Variants in NAV1 observed in about 807,000 individuals in gnomAD.
NAV1 encodes neuron navigator 1.
A neutral mutation model predicts 175.2 loss-of-function variants in NAV1; 18 were observed. The ratio of observed to expected loss-of-function variants is 0.10; its 90% confidence interval spans 0.07 to 0.15. The LOEUF (loss-of-function observed/expected upper bound fraction) is 0.15, where lower values mean the gene tolerates loss of function less well. NAV1 is among the 10% of genes least tolerant of loss of function. The pLI, the probability that NAV1 is intolerant of heterozygous loss-of-function variation, is 1.00. For synonymous variants in NAV1, 897 were observed against 978.7 expected (o/e 0.92, Z 1.56); for missense variants, 1,731 against 2,436.6 (o/e 0.71, Z 6.10).
At chr1:201,587,211 A>C (rs1667058247) in intron 1 of NAV1, among the ~76,000 whole-genome samples, 1 of 152,140 alleles carries the variant, frequency 6.6e-6, no homozygotes, top group Non-Finnish European at 1.5e-5. Flanking sequence ...ACCCTGTCTC[A>C]AAGAAAGAAA....
chr1:201,610,849 T>C (rs1315120395), intron 2 of NAV1, among the ~76,000 whole-genome samples: 2 of 152,164 alleles, frequency 1.3e-5, no homozygotes, highest in Admixed American at 1.3e-4. Flanking sequence ...GCCAGCCCCA[T>C]CTTTTGTCTG....
chr1:201,781,040 T>C, exon 5 of NAV1: 1 of 1,613,426 alleles, frequency 6.2e-7, no homozygotes, highest in Non-Finnish European at 8.5e-7. Context: ...AAGCGCTCAC[T>C]GGCAGAAAGT....
intron 2 of NAV1, among the ~76,000 whole-genome samples, chr1:201,602,667 G>GA (rs1667556088): frequency 1.7e-5 from 2 of 120,680 alleles, no homozygotes. Flanking sequence ...TTTTTTTTTG[G>GA]TTTTTTTTTT....
intron 2 of NAV1, among the ~76,000 whole-genome samples, chr1:201,615,945 G>A (rs1041591931): frequency 6.6e-6 from 1 of 152,138 alleles, no homozygotes; most frequent in Admixed American, 6.5e-5. Flanking sequence ...AAGCTCAGGA[G>A]AATGAGGCAG....
At chr1:201,749,623 T>C (rs1673980299) in intron 3 of NAV1, among the ~76,000 whole-genome samples, 1 of 152,200 alleles carries the variant, frequency 6.6e-6, no homozygotes, top group Non-Finnish European at 1.5e-5. Context: ...AATTATTACA[T>C]AAATTGATGA....
upstream of NAV1, among the ~76,000 whole-genome samples, chr1:201,620,788 C>T (rs570490884): frequency 5.9e-5 from 9 of 152,018 alleles, no homozygotes; most frequent in Admixed American, 4.6e-4. Flanking sequence ...TATACTCTTA[C>T]CAACACTGGA....
intron 1 of NAV1, among the ~76,000 whole-genome samples, chr1:201,700,644 A>T (rs971469498): frequency 6.6e-6 from 1 of 152,226 alleles, no homozygotes; most frequent in Non-Finnish European, 1.5e-5. Context: ...ACATATGTTT[A>T]TTGTGGCACT....
upstream of NAV1, among the ~76,000 whole-genome samples, chr1:201,644,401 C>T (rs549363371): frequency 4.6e-5 from 7 of 152,204 alleles, no homozygotes; most frequent in African/African-American, 1.7e-4. Flanking sequence ...CAGCAGAGTG[C>T]TCCCACTGCA....
chr1:201,572,226 C>T (rs1252162652), intron 1 of NAV1, among the ~76,000 whole-genome samples: 1 of 152,150 alleles, frequency 6.6e-6, no homozygotes, highest in Admixed American at 6.5e-5. Flanking sequence ...TGGGCTTCTG[C>T]AGGGGCCACA....
intron 1 of NAV1, among the ~76,000 whole-genome samples, chr1:201,582,485 T>C (rs1400248857): frequency 2.0e-5 from 3 of 152,168 alleles, no homozygotes; most frequent in Non-Finnish European, 4.4e-5. Context: ...GGCTTCTCCT[T>C]TCCTCCAGTG....
intron 3 of NAV1, among the ~76,000 whole-genome samples, chr1:201,730,044 G>C (rs1412951962): frequency 6.6e-6 from 1 of 152,190 alleles, no homozygotes; most frequent in Non-Finnish European, 1.5e-5. Context: ...CCGCCTGGGT[G>C]GTGATGTCCA....
intron 2 of NAV1, among the ~76,000 whole-genome samples, chr1:201,591,663 G>A (rs980992493): frequency 5.3e-5 from 8 of 152,166 alleles, no homozygotes; most frequent in African/African-American, 1.9e-4. Context: ...TCCACCCTGG[G>A]CCCCACCCCA....
At position 201,812,077 on chromosome 1, in the gene NAV1, C is replaced by A; in HGVS notation, c.5024+103C>A. 8.7e-7 allele frequency: 1 copy of A among 1,148,622 alleles called. No homozygotes were observed. Among genetic ancestry groups the A allele is most frequent in the Non-Finnish European group, 1.3e-6 (1 of 766,510 alleles). 71.2% of individuals were successfully genotyped at this position (1,148,622 alleles called of 1,614,324 possible). A position where few individuals can be genotyped will look rare whatever the true frequency, so the allele number is the denominator to read the frequency against. The stretch of plus-strand genomic sequence containing the variant: ...AGATAGGAGAAGGAAAGAGAAGTAT[C>A]CAGAGCTTTTTGGGCTGGAAATAGA... On this transcript the variant is annotated intron_variant, in intron 26 of 29. Transcript: ENST00000367296. This position sits in a 1 kb window ranked among gnomAD's most constrained non-coding sequence, Gnocchi z 4.6.
At chr1:201,592,139 G>A (rs927699601) in intron 2 of NAV1, among the ~76,000 whole-genome samples, 2 of 152,148 alleles carry the variant, frequency 1.3e-5, no homozygotes, top group Non-Finnish European at 2.9e-5. Context: ...TGCCCCACCT[G>A]CATGGGAAGC....
chr1:201,705,804 A>G (rs538999101), intron 1 of NAV1, among the ~76,000 whole-genome samples: 2 of 152,264 alleles, frequency 1.3e-5, no homozygotes, highest in East Asian at 3.9e-4. Context: ...CTGTAGGGAC[A>G]GTTACTGTGC....
At chr1:201,654,792 A>G (rs1669335871) in intron 1 of NAV1, among the ~76,000 whole-genome samples, 1 of 152,150 alleles carries the variant, frequency 6.6e-6, no homozygotes, top group South Asian at 2.1e-4. Context: ...CCACTATAGC[A>G]TCATAGGCAG....
intron 1 of NAV1, among the ~76,000 whole-genome samples, chr1:201,624,309 A>G (rs944203575): frequency 2.6e-5 from 4 of 151,186 alleles, no homozygotes; most frequent in African/African-American, 9.7e-5. Flanking sequence ...TTGATTGCAT[A>G]GAAAAACAAA....
chr1:201,741,307 A>G (rs988656396), intron 3 of NAV1, among the ~76,000 whole-genome samples: 13 of 152,174 alleles, frequency 8.5e-5, no homozygotes, highest in African/African-American at 3.1e-4. Flanking sequence ...CTACCACAGT[A>G]TGACAGAATG....
At chr1:201,609,249 C>T (rs1182570741) in intron 2 of NAV1, among the ~76,000 whole-genome samples, 1 of 152,198 alleles carries the variant, frequency 6.6e-6, no homozygotes, top group Non-Finnish European at 1.5e-5. Context: ...GCTAGTGTAG[C>T]CAGCCTGGAG....
Sources: gnomAD v4.1 joint callset for allele counts (sites outside exome capture counted in the v4.1 genomes callset) on GRCh38, gnomAD v4.1.1 for gene constraint, Gnocchi (gnomAD v3.1) non-coding constraint, MANE v1.5 for transcripts, NCBI Gene and HGNC (gene_info 2026-07-23, HGNC 2026-07-21) for gene names.